The following GRHL3 variants were observed in gnomAD, a reference collection of about 807,000 sequenced individuals.
GRHL3 encodes grainyhead-like protein 3 homolog.
Under a neutral mutation model 70.3 loss-of-function variants are expected in GRHL3, and 20 were observed. The observed-to-expected ratio is 0.28, with a 90% CI of 0.20 to 0.41. The LOEUF (loss-of-function observed/expected upper bound fraction) is 0.41, where lower values mean the gene tolerates loss of function less well. Ranked by LOEUF, GRHL3 falls within the 10% of genes least tolerant of loss-of-function variation. GRHL3 has a pLI of 1.00. For synonymous variants in GRHL3, 299 were observed against 299.9 expected (o/e 1.00, Z 0.03); for missense variants, 637 against 762.3 (o/e 0.84, Z 1.94).
Position 24,339,644 on chromosome 1 carries a change from CCTTCTGGT to C in GRHL3, c.953-21_953-14del, listed in dbSNP as rs1419278153. On this transcript the variant is annotated splice_polypyrimidine_tract_variant and intron_variant, in intron 7 of 15. Coordinates refer to ENST00000361548, the MANE Select transcript of GRHL3 (RefSeq NM_198173.3). ...CCCAGATCCCTTCCTTCCTGATTCT[CCTTCTGGT>C]CTCCTGTGGTTTCAGCTGACTGCAA... 6.4e-6 allele frequency: 10 copies of C among 1,559,340 alleles called. No individual in the cohort carries two copies. Among genetic ancestry groups the C allele is most frequent in the Non-Finnish European group, 8.8e-6 (10 of 1,135,062 alleles).
intron 12 of GRHL3, among the ~76,000 whole-genome samples, chr1:24,345,731 G>A (rs977685338): frequency 6.6e-6 from 1 of 152,234 alleles, no homozygotes; most frequent in Non-Finnish European, 1.5e-5. Flanking sequence ...CCCTCTGTCA[G>A]TCACAGCCTT....
At position 24,339,692 on chromosome 1, in the gene GRHL3, C is replaced by A; in HGVS notation, c.977C>A (p.Thr326Asn). The part of the protein sequence containing the change: ...DVADCKENFN[T>N]VEHIEEVAYN... ...GCTGACTGCAAAGAAAACTTCAACACTGTGGAGCACATTGAGGAGGTGGCC... is the reference window on the plus strand; with the variant it reads ...GCTGACTGCAAAGAAAACTTCAACAATGTGGAGCACATTGAGGAGGTGGCC... The change falls in exon 8 of 16, where the codon ACT becomes AAT. Residue 326 changes from threonine (T) to asparagine (N), a missense_variant. Physicochemically the swap from Thr to Asn is moderately conservative, Grantham distance 65. Coordinates refer to ENST00000361548, the MANE Select transcript of GRHL3 (RefSeq NM_198173.3). 3 of 1,613,180 alleles carry A rather than the reference C, an allele frequency of 1.9e-6. No homozygotes were observed. The highest frequency in any genetic ancestry group is 2.5e-6 in the Non-Finnish European group (3 of 1,179,264).
Position 24,342,688 on chromosome 1 carries a change from C to G in GRHL3, c.1207-6C>G. 6.2e-7 allele frequency: 1 copy of G among 1,614,004 alleles called. No individual in the cohort carries two copies. Among genetic ancestry groups the G allele is most frequent in the Non-Finnish European group, 8.5e-7 (1 of 1,179,828 alleles). Reference sequence around the variant, plus strand: ...CTTGGTGACCCTCTCTCCTTCTCCCCTGCAGGGAGCTGAGAGGAAGATGCG... The same window carrying G: ...CTTGGTGACCCTCTCTCCTTCTCCCGTGCAGGGAGCTGAGAGGAAGATGCG... On this transcript the variant is annotated splice_polypyrimidine_tract_variant and splice_region_variant and intron_variant, in intron 9 of 15. Transcript: ENST00000361548. The surrounding 1 kb of genome is among the most constrained non-coding windows in gnomAD (Gnocchi z 4.8).
At chr1:24,352,563 G>C (rs138525092) in intron 15 of GRHL3, among the ~76,000 whole-genome samples, 152 of 152,274 alleles carry the variant, frequency 1.0e-3, no homozygotes, top group African/African-American at 3.5e-3. Flanking sequence ...GCAGGTGTGA[G>C]CTTGGCAGAT....
chr1:24,360,915 T>G, intron 15 of GRHL3: 1 of 1,613,952 alleles, frequency 6.2e-7, no homozygotes, highest in Non-Finnish European at 8.5e-7. Flanking sequence ...ACACGAATGA[T>G]GCACTAGAGA....
chr1:24,344,843 G>A (rs957235161), intron 11 of GRHL3, 54 bp from the exon 12 acceptor site: 4 of 1,608,014 alleles, frequency 2.5e-6, no homozygotes, highest in South Asian at 1.1e-5. Context: ...GCAGCCAGGG[G>A]CTCCTCTCAT....
chr1:24,361,610 A>G (rs922910653), intron 15 of GRHL3, among the ~76,000 whole-genome samples: 1 of 152,072 alleles, frequency 6.6e-6, no homozygotes. Flanking sequence ...GAATCCTACT[A>G]AATATCATCC....
chr1:24,346,075 G>C (rs572634402), intron 12 of GRHL3, among the ~76,000 whole-genome samples: 8 of 152,032 alleles, frequency 5.3e-5, no homozygotes, highest in Non-Finnish European at 1.2e-4. Flanking sequence ...ACCGCAGCAG[G>C]ACTGGACCCC....
chr1:24,336,422 C>A, intron 3 of GRHL3, 60 bp from the exon 4 acceptor site: 1 of 1,185,608 alleles, frequency 8.4e-7, no homozygotes, highest in Non-Finnish European at 1.2e-6. Context: ...TGCACTCTAG[C>A]CAAAGACCCC....
In GRHL3 at chr1:24,342,326, A is replaced by G. The variant is rs1287247153; in HGVS notation, c.1206+53A>G. ...GGGTCCCGGGGAGGTAGAAGGGCCA[A>G]ACCCTGACCCGTGCGTCCTCCTAGC... On this transcript the variant is annotated intron_variant, in intron 9 of 15. Transcript: ENST00000361548. This position sits in a 1 kb window ranked among gnomAD's most constrained non-coding sequence, Gnocchi z 4.8. 1 of 1,473,730 alleles carries G rather than the reference A, an allele frequency of 6.8e-7. No individual in the cohort carries two copies. 91.3% of individuals were successfully genotyped at this position (1,473,730 alleles called of 1,614,324 possible).
intron 14 of GRHL3, among the ~76,000 whole-genome samples, chr1:24,347,763 C>G (rs940433004): frequency 1.3e-5 from 2 of 152,216 alleles, no homozygotes; most frequent in Non-Finnish European, 2.9e-5. Context: ...TGACTCCACC[C>G]TGGGAGTCGC....
intron 1 of GRHL3, among the ~76,000 whole-genome samples, chr1:24,324,847 GAGTC>G (rs1373533820): frequency 1.3e-5 from 2 of 151,980 alleles, no homozygotes; most frequent in African/African-American, 4.8e-5. Context: ...ATGCAAACTG[GAGTC>G]ATTACAGAGC....
At chr1:24,331,018 T>C (rs1380481852) in intron 1 of GRHL3, among the ~76,000 whole-genome samples, 1 of 152,262 alleles carries the variant, frequency 6.6e-6, no homozygotes, top group East Asian at 1.9e-4. Context: ...GGACAACTTC[T>C]TCAGTAGAAC....
At chr1:24,335,014 A>AACACACACACACACACAC (rs35646472) in intron 3 of GRHL3, among the ~76,000 whole-genome samples, 3 of 136,968 alleles carry the variant, frequency 2.2e-5, no homozygotes, top group African/African-American at 8.0e-5. Flanking sequence ...TCAGCTTGAA[A>AACACACACACACACACAC]ACACACACAC....
chr1:24,356,831 C>G (rs1398596227), downstream of GRHL3, among the ~76,000 whole-genome samples: 1 of 152,182 alleles, frequency 6.6e-6, no homozygotes, highest in Non-Finnish European at 1.5e-5. Context: ...TCGTAAACAT[C>G]TGTCTGAGTA....
chr1:24,331,338 C>A, intron 1 of GRHL3, 88 bp from the exon 2 acceptor site: 1 of 1,227,954 alleles, frequency 8.1e-7, no homozygotes, highest in Non-Finnish European at 1.1e-6. Flanking sequence ...GCTAATAACT[C>A]TGAATTCCTG....
At chr1:24,323,182 G>T in intron 1 of GRHL3, 2 of 937,886 alleles carry the variant, frequency 2.1e-6, no homozygotes, top group Non-Finnish European at 3.4e-6. Context: ...GAGTCGTTAA[G>T]GGGAAGAGAG....
chr1:24,345,190 G>A (rs1640221886), intron 12 of GRHL3, among the ~76,000 whole-genome samples: 1 of 1,766 alleles, frequency 5.7e-4, no homozygotes. Context: ...CTACACCTGT[G>A]CCCCCTCTAC....
rs1282233842 is a variant in GRHL3, at chr1:24,336,462, C to T, written c.267-20C>T. On this transcript the variant is annotated intron_variant, in intron 3 of 15. Coordinates refer to ENST00000361548, the MANE Select transcript of GRHL3 (RefSeq NM_198173.3). ...TACCCCCAGAGAGAAGTACACTCAG[C>T]CCCTTTTCTTTCTCCCCAGGTACTA... 1 of 1,510,064 alleles carries T rather than the reference C, an allele frequency of 6.6e-7. No homozygotes were observed. The highest frequency in any genetic ancestry group is 1.9e-5 in the Admixed American group (1 of 51,492). The allele number at this position is 1,510,064 out of a possible 1,614,324, so 93.5% of individuals were successfully genotyped here. A position where few individuals can be genotyped will look rare whatever the true frequency, so the allele number is the denominator to read the frequency against.
Sources: allele counts gnomAD v4.1 joint callset (sites outside exome capture counted in the v4.1 genomes callset), GRCh38; gene constraint gnomAD v4.1.1; non-coding constraint Gnocchi (gnomAD v3.1); transcripts MANE v1.5; gene names NCBI Gene and HGNC (gene_info 2026-07-23, HGNC 2026-07-21).